CC2D2B: variants seen among roughly 807,000 people sequenced by gnomAD.
The protein encoded by CC2D2B is coiled-coil and C2 domain containing 2B.
In CC2D2B, 128 loss-of-function variants were observed where a neutral mutation model predicts 161.2. That is an observed-to-expected ratio of 0.79 (90% CI 0.69 to 0.92). CC2D2B has a LOEUF of 0.92. CC2D2B is among the 40% of genes least tolerant of loss of function. The probability of loss-of-function intolerance (pLI) is 0.00; values close to 1 mark genes in which losing one functional copy is unlikely to be tolerated. For synonymous variants in CC2D2B, 391 were observed against 449.8 expected, an observed-to-expected ratio of 0.87 and a Z score of 1.65; for missense variants, 1,173 against 1,375.1, an observed-to-expected ratio of 0.85 and a Z score of 2.32.
At chr10:95,929,878 G>A (rs1028299750) in intron 6 of CC2D2B, among the ~76,000 whole-genome samples, 71 of 152,216 alleles carry the variant, frequency 4.7e-4, no homozygotes, top group African/African-American at 1.7e-3. Flanking sequence ...GGCTATCCAG[G>A]CTCTTTTTTG....
chr10:96,020,597 G>A (rs2079408820), intron 32 of CC2D2B: 1 of 152,154 alleles, frequency 6.6e-6, no homozygotes, highest in Non-Finnish European at 1.5e-5. Flanking sequence ...GAGGAGACAG[G>A]AGCCCAGAGG....
chr10:96,024,779 G>A, intron 32 of CC2D2B, 74 bp from the exon 33 acceptor site: 1 of 829,742 alleles, frequency 1.2e-6, no homozygotes, highest in Non-Finnish European at 2.0e-6. Flanking sequence ...CCTTATTATA[G>A]CTGGCATTCC....
chr10:95,991,381 G>T lies in CC2D2B; in HGVS notation c.2391G>T (p.Leu797Phe). Residue 797 changes from leucine (L) to phenylalanine (F), a missense_variant, in exon 21 of 35, where the codon TTG becomes TTT. Around this residue, in one of 3 missense-constraint regions of CC2D2B, gnomAD observed 277 missense variants for 420.6 expected, o/e 0.66. Coordinates refer to ENST00000646931, the MANE Select transcript of CC2D2B (RefSeq NM_001349008.3). ...SANFLKKVRRLIMKRIVKISK... is the reference protein window; with the variant it reads ...SANFLKKVRRFIMKRIVKISK... The stretch of plus-strand genomic sequence containing the variant: ...TAAATTTTTTTTAGGTGAGAAGGTT[G>T]ATAATGAAGAGAATTGTTAAAATTA... 9.1e-7 allele frequency: 1 copy of T among 1,094,706 alleles called. No individual in the cohort carries two copies. The highest frequency in any genetic ancestry group is 1.2e-6 in the Non-Finnish European group (1 of 862,448). The allele number at this position is 1,094,706 out of a possible 1,614,324, so 67.8% of individuals were successfully genotyped here. A position where few individuals can be genotyped will look rare whatever the true frequency, so the allele number is the denominator to read the frequency against.
intron 12 of CC2D2B, among the ~76,000 whole-genome samples, chr10:95,963,650 G>C (rs1009220969): frequency 6.6e-6 from 1 of 152,146 alleles, no homozygotes; most frequent in Non-Finnish European, 1.5e-5. Flanking sequence ...GGAGAAACCA[G>C]AGGAGGGACA....
chr10:95,970,409 C>T (rs1331120228), intron 15 of CC2D2B, among the ~76,000 whole-genome samples: 4 of 152,198 alleles, frequency 2.6e-5, no homozygotes, highest in African/African-American at 7.2e-5. Flanking sequence ...TTTTCCCACA[C>T]GTGCTTGTAA....
intron 32 of CC2D2B, chr10:96,020,857 A>T (rs1356578429): frequency 6.6e-6 from 1 of 152,184 alleles, no homozygotes; most frequent in Non-Finnish European, 1.5e-5. Flanking sequence ...GCAGAGCAAG[A>T]CCCTGTCTCT....
At chr10:95,918,762 CT>C (rs963710177) in intron 2 of CC2D2B, among the ~76,000 whole-genome samples, 1 of 152,036 alleles carries the variant, frequency 6.6e-6, no homozygotes, top group Admixed American at 6.6e-5. Context: ...CCTTTTGAGG[CT>C]TTTTTTCTAG....
chr10:95,946,304 C>T (rs1418681126), intron 9 of CC2D2B, among the ~76,000 whole-genome samples: 1 of 152,074 alleles, frequency 6.6e-6, no homozygotes, highest in Non-Finnish European at 1.5e-5. Flanking sequence ...CCTCATTTAC[C>T]CTCCTCTAGC....
At chr10:95,976,962 C>G (rs1333881748) in intron 17 of CC2D2B, among the ~76,000 whole-genome samples, 1 of 152,190 alleles carries the variant, frequency 6.6e-6, no homozygotes, top group East Asian at 1.9e-4. Flanking sequence ...GTTGGTCAGG[C>G]TAGTGTCAAA....
intron 1 of CC2D2B, 58 bp downstream of exon 1, chr10:95,908,115 C>T (rs975314927): frequency 6.6e-6 from 1 of 152,302 alleles, no homozygotes; most frequent in African/African-American, 2.4e-5. Flanking sequence ...GACATTCCCG[C>T]ACTTTTGTGG....
chr10:95,938,795 A>G lies in CC2D2B; in HGVS notation c.673-2A>G, dbSNP rs1489266582. 1.4e-6 allele frequency: 1 copy of G among 705,084 alleles called. No homozygotes were observed. The highest frequency in any genetic ancestry group is 2.6e-6 in the Non-Finnish European group (1 of 381,850). The allele number at this position is 705,084 out of a possible 1,614,324, so 43.7% of individuals were successfully genotyped here. On this transcript the variant is annotated splice_acceptor_variant, in intron 8 of 34. Coordinates refer to ENST00000646931, the MANE Select transcript of CC2D2B (RefSeq NM_001349008.3). LOFTEE classifies it high-confidence loss of function. Reference sequence around the variant, plus strand: ...ATTACTATACTTAAATATTTTTGATAGGGAAAATGTTGGTTTGGAGAAAGT... The same window carrying G: ...ATTACTATACTTAAATATTTTTGATGGGGAAAATGTTGGTTTGGAGAAAGT...
At chr10:95,947,381 G>A (rs1384815480) in intron 9 of CC2D2B, among the ~76,000 whole-genome samples, 1 of 150,612 alleles carries the variant, frequency 6.6e-6, no homozygotes, top group African/African-American at 2.4e-5. Context: ...CCAAAATGCT[G>A]GGATTATACA....
chr10:95,983,913 G>A (rs1189352548), intron 19 of CC2D2B, 104 bp downstream of exon 19: 5 of 503,276 alleles, frequency 9.9e-6, no homozygotes, highest in Non-Finnish European at 1.5e-5. Flanking sequence ...CTAATAATCT[G>A]TAGACAGATT....
chr10:95,933,281 C>T (rs1242443033), intron 6 of CC2D2B, among the ~76,000 whole-genome samples: 2 of 152,056 alleles, frequency 1.3e-5, no homozygotes, highest in Non-Finnish European at 2.9e-5. Flanking sequence ...AGCAATTCCT[C>T]TAACTTTTTT....
chr10:95,993,940 GTGTATGTATGTGTATATATATATATA>G (rs1281755156), intron 22 of CC2D2B, among the ~76,000 whole-genome samples: 22 of 26,294 alleles, frequency 8.4e-4, no homozygotes, highest in South Asian at 5.8e-3. Flanking sequence ...GTGTGTGTGT[GTGTATGTATGTGTATATATATATATA>G]TATATATATA....
At position 95,996,264 on chromosome 10, in the gene CC2D2B, T is replaced by A. The variant is rs1017621595; in HGVS notation, c.2849+12T>A. 33 of 1,240,866 alleles carry A rather than the reference T, an allele frequency of 2.7e-5. No individual in the cohort carries two copies. Among genetic ancestry groups the A allele is most frequent in the Non-Finnish European group, 3.4e-5 (31 of 905,312 alleles). 76.9% of individuals were successfully genotyped at this position (1,240,866 alleles called of 1,614,324 possible). ...AAAGTAGATTTTGTGTAAGTTGGAGTTCATTTTTCCATAGCTCCTAAAAAA... is the reference window on the plus strand; with the variant it reads ...AAAGTAGATTTTGTGTAAGTTGGAGATCATTTTTCCATAGCTCCTAAAAAA... On this transcript the variant is annotated intron_variant, in intron 24 of 34. Coordinates refer to ENST00000646931, the MANE Select transcript of CC2D2B (RefSeq NM_001349008.3).
intron 10 of CC2D2B, among the ~76,000 whole-genome samples, chr10:95,951,361 A>G (rs563898686): frequency 6.6e-6 from 1 of 151,548 alleles, no homozygotes; most frequent in Non-Finnish European, 1.5e-5. Flanking sequence ...CATGTTGCCC[A>G]GGCTGCTCTT....
At chr10:96,022,072 C>T (rs989344782) in intron 32 of CC2D2B, among the ~76,000 whole-genome samples, 5 of 152,126 alleles carry the variant, frequency 3.3e-5, no homozygotes, top group Admixed American at 2.0e-4. Context: ...AATCCCAGCA[C>T]TTTGGGAGGC....
At chr10:95,986,542 G>A (rs570847757) in intron 19 of CC2D2B, among the ~76,000 whole-genome samples, 1 of 151,700 alleles carries the variant, frequency 6.6e-6, no homozygotes, top group Admixed American at 6.6e-5. Flanking sequence ...TCAATTTTGG[G>A]ATACAAAGGT....
Sources: allele counts gnomAD v4.1 joint callset (sites outside exome capture counted in the v4.1 genomes callset), GRCh38; gene constraint gnomAD v4.1.1; regional missense constraint gnomAD v4.1.1; transcripts MANE v1.5; gene names NCBI Gene and HGNC (gene_info 2026-07-23, HGNC 2026-07-21).